F2RL1: variants seen among roughly 807,000 people sequenced by gnomAD.
The protein encoded by F2RL1 is proteinase-activated receptor 2.
Under a neutral mutation model 21.7 loss-of-function variants are expected in F2RL1, and 16 were observed. That is an observed-to-expected ratio of 0.74 (90% CI 0.50 to 1.12). F2RL1 has a LOEUF of 1.12. F2RL1 is among the 50% of genes most tolerant of loss of function. The pLI is 0.00. For synonymous variants in F2RL1, 181 were observed against 186.7 expected (o/e 0.97, Z 0.25); for missense variants, 432 against 477.8 (o/e 0.90, Z 0.89).
At position 76,833,957 on chromosome 5, in the gene F2RL1, G is replaced by A; in HGVS notation, c.*156G>A. The A allele has an allele frequency of 2.9e-6, 2 of 691,364 alleles. No individual in the cohort carries two copies. Among genetic ancestry groups the A allele is most frequent in the East Asian group, 5.3e-5 (2 of 37,860 alleles). The allele number at this position is 691,364 out of a possible 1,614,324, so 42.8% of individuals were successfully genotyped here. A position where few individuals can be genotyped will look rare whatever the true frequency, so the allele number is the denominator to read the frequency against. ...TTGCTAGGAGCTCCCCTGTTTGCAT[G>A]AGAAAAGTAGTCCCCCAAATTAACA... On this transcript the variant is annotated 3_prime_UTR_variant, in exon 2 of 2. Transcript: ENST00000296677.
intron 1 of F2RL1, among the ~76,000 whole-genome samples, chr5:76,828,818 TATAA>T (rs1750295130): frequency 6.6e-6 from 1 of 152,086 alleles, no homozygotes; most frequent in Non-Finnish European, 1.5e-5. Context: ...CTAATTGTCT[TATAA>T]ATGTTATTTT....
intron 1 of F2RL1, among the ~76,000 whole-genome samples, chr5:76,827,371 C>T (rs1308491915): frequency 6.8e-6 from 1 of 147,646 alleles, no homozygotes; most frequent in Admixed American, 6.7e-5. Context: ...TGGTGGCAGG[C>T]GCCTGTAGTC....
rs951563898 is a variant in F2RL1, at chr5:76,834,285, G to C, written c.*484G>C. The C allele has an allele frequency of 6.5e-6, 1 of 152,824 alleles. No homozygotes were observed. The highest frequency in any genetic ancestry group is 2.4e-5 in the African/African-American group (1 of 41,442). 9.5% of individuals were successfully genotyped at this position (152,824 alleles called of 1,614,324 possible). On this transcript the variant is annotated 3_prime_UTR_variant, in exon 2 of 2. Transcript: ENST00000296677. ...AATCAGGTTTCCAATCAACAGCAGT[G>C]AGTTGGGATTGGACAGTAGAATTTC... is the stretch of plus-strand genomic sequence containing the variant.
At chr5:76,824,180 T>A (rs1212175657) in intron 1 of F2RL1, among the ~76,000 whole-genome samples, 3 of 131,022 alleles carry the variant, frequency 2.3e-5, no homozygotes, top group East Asian at 2.4e-4. Context: ...CTTTTTTTTT[T>A]AAAGAGACTG....
At chr5:76,828,838 G>A (rs553768100) in intron 1 of F2RL1, among the ~76,000 whole-genome samples, 6 of 152,102 alleles carry the variant, frequency 3.9e-5, no homozygotes, top group East Asian at 1.9e-4. Flanking sequence ...ATTTTAGGCC[G>A]GGTGCAGTGG....
chr5:76,829,086 A>G (rs1006137208), intron 1 of F2RL1, among the ~76,000 whole-genome samples: 1 of 151,732 alleles, frequency 6.6e-6, no homozygotes, highest in East Asian at 1.9e-4. Flanking sequence ...ACTGCACTCC[A>G]GCCTGGGCGA....
rs761066772 is a variant in F2RL1, at chr5:76,819,231, G to C, written c.49G>C (p.Ala17Pro). The change falls in exon 1 of 2, where the codon GCA (alanine) becomes CCA (proline). Residue 17 changes from alanine (A) to proline (P), a missense_variant. Physicochemically the swap from Ala to Pro is conservative, Grantham distance 27 (BLOSUM62 -1). Transcript: ENST00000296677. Reference protein sequence around the residue: ...AWLLGAAILLAASLSCSGTIQ... With the variant: ...AWLLGAAILLPASLSCSGTIQ... ...GCTGCTGGGGGCCGCCATCCTGCTA[G>C]CAGCCTCTCTCTCCTGCAGTGGCAC... is the stretch of plus-strand genomic sequence containing the variant. 6 of 1,591,918 alleles carry C rather than the reference G, an allele frequency of 3.8e-6. No homozygotes were observed. Among genetic ancestry groups the C allele is most frequent in the African/African-American group, 2.7e-5 (2 of 74,858 alleles).
chr5:76,830,175 T>A (rs1307594352), intron 1 of F2RL1, among the ~76,000 whole-genome samples: 2 of 152,228 alleles, frequency 1.3e-5, no homozygotes, highest in African/African-American at 4.8e-5. Flanking sequence ...CTTGGCATTC[T>A]TGGCCTGTTC....
chr5:76,826,979 T>C (rs1750251590), intron 1 of F2RL1, among the ~76,000 whole-genome samples: 3 of 151,962 alleles, frequency 2.0e-5, no homozygotes, highest in Admixed American at 2.0e-4. Context: ...GCCTTCCTAG[T>C]AGTGGGACTA....
At chr5:76,832,544 T>A in intron 1 of F2RL1, 146 bp from the exon 2 acceptor site, 1 of 814,774 alleles carries the variant, frequency 1.2e-6, no homozygotes, top group Non-Finnish European at 1.9e-6. Context: ...TTATGATCGC[T>A]CCACTACGCT....
chr5:76,828,918 C>A (rs1161030871), intron 1 of F2RL1, among the ~76,000 whole-genome samples: 1 of 151,972 alleles, frequency 6.6e-6, no homozygotes, highest in Non-Finnish European at 1.5e-5. Context: ...GAGTTCGAGA[C>A]CAGCTTGACC....
Position 76,832,980 on chromosome 5 carries a change from G to C in F2RL1, c.373G>C (p.Val125Leu), listed in dbSNP as rs1458904351. 11 of 1,614,214 alleles carry C rather than the reference G, an allele frequency of 6.8e-6. No individual in the cohort carries two copies. The highest frequency in any genetic ancestry group is 9.3e-6 in the Non-Finnish European group (11 of 1,180,044). The change falls in exon 2 of 2, where the codon GTC becomes CTC. Residue 125 changes from valine to leucine, a missense_variant. Val to Leu is a conservative substitution (Grantham distance 32, BLOSUM62 1). Transcript: ENST00000296677. ...ANLALADLLSVIWFPLKIAYH... is the reference protein window; with the variant it reads ...ANLALADLLSLIWFPLKIAYH... Reference sequence around the variant, plus strand: ...TCTGGCCTTGGCTGACCTCCTCTCTGTCATCTGGTTCCCCTTGAAGATTGC... The same window carrying C: ...TCTGGCCTTGGCTGACCTCCTCTCTCTCATCTGGTTCCCCTTGAAGATTGC...
At position 76,833,663 on chromosome 5, in the gene F2RL1, G is replaced by C. The variant is rs1378304707; in HGVS notation, c.1056G>C (p.Arg352Ser). ...FVYYFVSHDF[R>S]DHAKNALLCR... Reference sequence around the variant, plus strand: ...ATTACTTTGTTTCACATGATTTCAGGGATCATGCAAAGAACGCTCTCCTTT... The same window carrying C: ...ATTACTTTGTTTCACATGATTTCAGCGATCATGCAAAGAACGCTCTCCTTT... The change falls in exon 2 of 2, where the codon AGG (arginine) becomes AGC (serine). Residue 352 changes from arginine (R) to serine (S), a missense_variant. Arg to Ser is a moderately radical substitution (Grantham distance 110). Coordinates refer to ENST00000296677, the MANE Select transcript of F2RL1 (RefSeq NM_005242.6). The C allele has an allele frequency of 6.2e-7, 1 of 1,613,800 alleles. No individual in the cohort carries two copies. The highest frequency in any genetic ancestry group is 1.3e-5 in the African/African-American group (1 of 74,906).
intron 1 of F2RL1, among the ~76,000 whole-genome samples, chr5:76,820,245 A>G: frequency 6.6e-6 from 1 of 151,814 alleles, no homozygotes; most frequent in Non-Finnish European, 1.5e-5. Flanking sequence ...GCCGTGGGGG[A>G]TGTTTGACCT....
chr5:76,821,842 A>G (rs1580930200), intron 1 of F2RL1, among the ~76,000 whole-genome samples: 2 of 151,854 alleles, frequency 1.3e-5, no homozygotes, highest in Admixed American at 1.3e-4. Context: ...CAGCCTCCCA[A>G]AGTGCTGGGA....
intron 1 of F2RL1, among the ~76,000 whole-genome samples, chr5:76,831,440 A>AT (rs1270716223): frequency 6.6e-6 from 1 of 152,030 alleles, no homozygotes; most frequent in Non-Finnish European, 1.5e-5. Flanking sequence ...GAAGGCCATT[A>AT]TGAAGTGAGA....
intron 1 of F2RL1, among the ~76,000 whole-genome samples, chr5:76,830,882 A>G (rs1032220434): frequency 1.3e-5 from 2 of 152,186 alleles, no homozygotes; most frequent in African/African-American, 4.8e-5. Flanking sequence ...TAAAGCTTCT[A>G]GTGGAAAAAT....
chr5:76,823,219 G>C (rs1459803712), intron 1 of F2RL1, among the ~76,000 whole-genome samples: 1 of 129,410 alleles, frequency 7.7e-6, no homozygotes. Context: ...AACAGAGTGA[G>C]ACTCAGTCTC....
chr5:76,819,206 G>C lies in F2RL1; in HGVS notation c.24G>C (p.Trp8Cys). ...GGATGCGGAGCCCCAGCGCGGCGTG[G>C]CTGCTGGGGGCCGCCATCCTGCTAG... MRSPSAA[W>C]LLGAAILLAA... The change falls in exon 1 of 2, where the codon TGG (tryptophan) becomes TGC (cysteine). Residue 8 changes from tryptophan (W) to cysteine (C), a missense_variant. Coordinates refer to ENST00000296677, the MANE Select transcript of F2RL1 (RefSeq NM_005242.6). 1 of 1,588,268 alleles carries C rather than the reference G, an allele frequency of 6.3e-7. No homozygotes were observed. Among genetic ancestry groups the C allele is most frequent in the Non-Finnish European group, 8.5e-7 (1 of 1,176,302 alleles).
Sources: allele counts gnomAD v4.1 joint callset (sites outside exome capture counted in the v4.1 genomes callset), GRCh38; gene constraint gnomAD v4.1.1; transcripts MANE v1.5; gene names NCBI Gene and HGNC (gene_info 2026-07-23, HGNC 2026-07-21).